Variants in PPARGC1A observed in about 807,000 individuals in gnomAD.
PPARGC1A encodes the protein PPARG coactivator 1 alpha.
A neutral mutation model predicts 88.7 loss-of-function variants in PPARGC1A; 25 were observed. The observed-to-expected ratio is 0.28, with a 90% CI of 0.21 to 0.39. PPARGC1A has a LOEUF of 0.39. Ranked by LOEUF, PPARGC1A falls within the 10% of genes least tolerant of loss-of-function variation. The probability of loss-of-function intolerance (pLI) is 1.00; values close to 1 mark genes in which losing one functional copy is unlikely to be tolerated. For missense variants in PPARGC1A, 880 were observed against 968.7 expected (o/e 0.91, Z 1.22); for synonymous variants, 363 against 355.6 (o/e 1.02, Z -0.24).
At chr4:24,178,119 G>A in the PPARGC1A span, among the ~76,000 whole-genome samples, 1 of 152,204 alleles carries the variant, frequency 6.6e-6, no homozygotes, top group African/African-American at 2.4e-5. Context: ...TTGTATAAAT[G>A]AGATGCAACT....
At chr4:24,035,225 A>G in the PPARGC1A span, among the ~76,000 whole-genome samples, 3 of 152,176 alleles carry the variant, frequency 2.0e-5, no homozygotes, top group Non-Finnish European at 4.4e-5. Context: ...TCATCATTAC[A>G]TAATAGAAAC....
the PPARGC1A span, among the ~76,000 whole-genome samples, chr4:24,439,030 T>C: frequency 6.6e-6 from 1 of 152,108 alleles, no homozygotes; most frequent in Non-Finnish European, 1.5e-5. Context: ...TGGAAAAGGA[T>C]GAGATACAAA....
At chr4:24,272,913 T>C in the PPARGC1A span, among the ~76,000 whole-genome samples, 1 of 152,328 alleles carries the variant, frequency 6.6e-6, no homozygotes, top group African/African-American at 2.4e-5. Flanking sequence ...CCAGGTACAG[T>C]ATTCATTATT....
intron 2 of PPARGC1A, among the ~76,000 whole-genome samples, chr4:23,872,877 G>A (rs974792205): frequency 1.3e-5 from 2 of 152,152 alleles, no homozygotes; most frequent in Non-Finnish European, 2.9e-5. Context: ...GAGAGCTTTA[G>A]CCAGTGAATT....
chr4:23,809,904 T>A (rs1720556284), intron 10 of PPARGC1A, among the ~76,000 whole-genome samples: 1 of 152,156 alleles, frequency 6.6e-6, no homozygotes, highest in Non-Finnish European at 1.5e-5. Context: ...TAGATCTGGA[T>A]GCCCCCAATA....
chr4:23,877,474 G>C (rs866046419), intron 2 of PPARGC1A, among the ~76,000 whole-genome samples: 1 of 146,628 alleles, frequency 6.8e-6, no homozygotes, highest in African/African-American at 2.5e-5. Flanking sequence ...GGAGGGGGAG[G>C]TTGCAGTGAG....
chr4:23,976,201 T>G, the PPARGC1A span, among the ~76,000 whole-genome samples: 4 of 152,202 alleles, frequency 2.6e-5, no homozygotes, highest in Admixed American at 2.6e-4. Flanking sequence ...AGAGGAATCA[T>G]GGGACATTTA....
At chr4:24,329,526 C>T in the PPARGC1A span, among the ~76,000 whole-genome samples, 4 of 152,128 alleles carry the variant, frequency 2.6e-5, no homozygotes, top group East Asian at 3.9e-4. Flanking sequence ...GCTTGTGCTG[C>T]GCCCTCCCCC....
upstream of PPARGC1A, among the ~76,000 whole-genome samples, chr4:23,894,140 T>C (rs1338455787): frequency 3.9e-5 from 6 of 152,238 alleles, no homozygotes; most frequent in South Asian, 8.3e-4. Flanking sequence ...GGCAACTTTA[T>C]AACTGAGGGA....
chr4:24,234,247 G>A, the PPARGC1A span, among the ~76,000 whole-genome samples: 2 of 152,310 alleles, frequency 1.3e-5, no homozygotes, highest in South Asian at 2.1e-4. Context: ...GACAGCCAGC[G>A]AGGCTTATAA....
the PPARGC1A span, among the ~76,000 whole-genome samples, chr4:24,335,462 C>A: frequency 6.6e-6 from 1 of 152,144 alleles, no homozygotes; most frequent in Non-Finnish European, 1.5e-5. Flanking sequence ...TGTCTTCCCT[C>A]CTCTATAGGG....
At chr4:23,941,033 A>G in the PPARGC1A span, among the ~76,000 whole-genome samples, 1 of 152,078 alleles carries the variant, frequency 6.6e-6, no homozygotes, top group Non-Finnish European at 1.5e-5. Flanking sequence ...ATCACTGAAA[A>G]TAGTTTTTCT....
At chr4:24,244,900 G>A in the PPARGC1A span, among the ~76,000 whole-genome samples, 1 of 152,160 alleles carries the variant, frequency 6.6e-6, no homozygotes, top group African/African-American at 2.4e-5. Context: ...ATATTGAAAA[G>A]GGGAACAGCT....
At chr4:23,913,946 C>T in the PPARGC1A span, among the ~76,000 whole-genome samples, 1 of 152,156 alleles carries the variant, frequency 6.6e-6, no homozygotes, top group South Asian at 2.1e-4. Flanking sequence ...AAAAGGCTTG[C>T]CTTTGAAGCA....
At chr4:24,264,427 C>G in the PPARGC1A span, among the ~76,000 whole-genome samples, 1 of 152,174 alleles carries the variant, frequency 6.6e-6, no homozygotes, top group Non-Finnish European at 1.5e-5. Context: ...CCCACAGGAG[C>G]AGAAAAGGTG....
chr4:24,074,268 C>T, the PPARGC1A span, among the ~76,000 whole-genome samples: 1 of 152,148 alleles, frequency 6.6e-6, no homozygotes, highest in Non-Finnish European at 1.5e-5. Flanking sequence ...TTCTCCATTT[C>T]CTCATCTATG....
chr4:24,213,547 A>G, the PPARGC1A span, among the ~76,000 whole-genome samples: 2 of 152,172 alleles, frequency 1.3e-5, no homozygotes, highest in Non-Finnish European at 2.9e-5. Context: ...ACAACTCCTG[A>G]TGTATAGCTG....
chr4:23,824,220 T>TACAC, intron 7 of PPARGC1A, 60 bp downstream of exon 7: 4 of 1,381,030 alleles, frequency 2.9e-6, no homozygotes, highest in Non-Finnish European at 4.1e-6. Context: ...GTTATCTTAT[T>TACAC]ACACACACAC....
chr4:24,219,330 C>G, the PPARGC1A span, among the ~76,000 whole-genome samples: 1 of 152,234 alleles, frequency 6.6e-6, no homozygotes, highest in Non-Finnish European at 1.5e-5. Flanking sequence ...CTCTCCAAGG[C>G]TGAGAGCAGC....
Sources: gnomAD v4.1 joint callset for allele counts (sites outside exome capture counted in the v4.1 genomes callset) on GRCh38, gnomAD v4.1.1 for gene constraint, MANE v1.5 for transcripts, NCBI Gene and HGNC (gene_info 2026-07-23, HGNC 2026-07-21) for gene names.